KDM4C: variants seen among roughly 807,000 people sequenced by gnomAD.
KDM4C encodes the protein lysine demethylase 4C.
A neutral mutation model predicts 129.3 loss-of-function variants in KDM4C; 81 were observed. That is an observed-to-expected ratio of 0.63 (90% CI 0.52 to 0.75). The LOEUF is 0.75. Ranked by LOEUF, KDM4C falls within the 30% of genes least tolerant of loss-of-function variation. The pLI is 0.00. For synonymous variants in KDM4C, 573 were observed against 456.1 expected (o/e 1.26, Z -3.26); for missense variants, 1,457 against 1,304.0 (o/e 1.12, Z -1.81).
chr9:7,062,304 G>C (rs1405718210), intron 17 of KDM4C, among the ~76,000 whole-genome samples: 1 of 151,926 alleles, frequency 6.6e-6, no homozygotes, highest in East Asian at 1.9e-4. Context: ...TTAGGATGCA[G>C]CTTTCTCAGT....
chr9:6,789,468 C>T (rs1318220038), intron 1 of KDM4C, among the ~76,000 whole-genome samples: 1 of 152,128 alleles, frequency 6.6e-6, no homozygotes, highest in Non-Finnish European at 1.5e-5. Context: ...GATCCACCCA[C>T]CTCAGCCTCC....
At chr9:6,971,606 A>G (rs1477890513) in intron 8 of KDM4C, among the ~76,000 whole-genome samples, 1 of 152,198 alleles carries the variant, frequency 6.6e-6, no homozygotes, top group South Asian at 2.1e-4. Context: ...CAATTTCTTA[A>G]CAAGTGTATG....
intron 1 of KDM4C, among the ~76,000 whole-genome samples, chr9:6,785,008 C>A (rs771397929): frequency 6.6e-6 from 1 of 152,192 alleles, no homozygotes; most frequent in African/African-American, 2.4e-5. Context: ...GATTGGAGAA[C>A]GTGGTCCTCT....
At chr9:6,806,490 G>A (rs1202522349) in intron 3 of KDM4C, among the ~76,000 whole-genome samples, 5 of 145,498 alleles carry the variant, frequency 3.4e-5, no homozygotes, top group African/African-American at 7.7e-5. Context: ...GTGAAACTCC[G>A]TCTCGAAAAA....
intron 4 of KDM4C, among the ~76,000 whole-genome samples, chr9:6,820,097 C>T (rs1300544062): frequency 1.3e-5 from 2 of 152,168 alleles, no homozygotes; most frequent in African/African-American, 2.4e-5. Flanking sequence ...AAGATGGATA[C>T]GAATCCTGCT....
chr9:7,056,212 C>T (rs1459912013), intron 17 of KDM4C, among the ~76,000 whole-genome samples: 5 of 152,090 alleles, frequency 3.3e-5, no homozygotes, highest in African/African-American at 1.2e-4. Context: ...ACAGATGACA[C>T]GGTTGTGGTA....
At chr9:6,954,256 TC>T (rs1409707662) in intron 8 of KDM4C, among the ~76,000 whole-genome samples, 2 of 152,180 alleles carry the variant, frequency 1.3e-5, no homozygotes, top group African/African-American at 4.8e-5. Flanking sequence ...TCCTCTTTTC[TC>T]CTGAGACTCT....
chr9:6,927,128 T>TATC (rs1017918845), intron 8 of KDM4C, among the ~76,000 whole-genome samples: 1 of 151,504 alleles, frequency 6.6e-6, no homozygotes, highest in African/African-American at 2.4e-5. Context: ...TCTATCTATC[T>TATC]ATCTATCTAT....
chr9:7,159,552 GCTTGT>G (rs1187785265), intron 19 of KDM4C, among the ~76,000 whole-genome samples: 1 of 152,158 alleles, frequency 6.6e-6, no homozygotes, highest in African/African-American at 2.4e-5. Context: ...CTCAGCATTT[GCTTGT>G]CTGTAAAGGA....
intron 4 of KDM4C, among the ~76,000 whole-genome samples, chr9:6,832,525 A>C (rs1379212234): frequency 2.2e-5 from 3 of 138,676 alleles, no homozygotes; most frequent in Non-Finnish European, 4.6e-5. Flanking sequence ...TCCTGGGTTC[A>C]CGCCATTCTC....
intron 3 of KDM4C, 100 bp from the exon 4 acceptor site, chr9:6,814,531 G>T: frequency 1.6e-6 from 1 of 644,220 alleles, no homozygotes; most frequent in Non-Finnish European, 2.6e-6. Flanking sequence ...TTTTCGTTTT[G>T]GTAGGATTTT....
intron 8 of KDM4C, among the ~76,000 whole-genome samples, chr9:6,931,501 T>C (rs1377319640): frequency 7.5e-6 from 1 of 133,250 alleles, no homozygotes; most frequent in Non-Finnish European, 1.7e-5. Context: ...GTCATATATA[T>C]ATATATTTTT....
intron 19 of KDM4C, among the ~76,000 whole-genome samples, chr9:7,161,926 G>A (rs1040787659): frequency 6.6e-6 from 1 of 152,236 alleles, no homozygotes; most frequent in African/African-American, 2.4e-5. Flanking sequence ...AACAGCTGAT[G>A]AATTGACACT....
chr9:7,030,442 A>AC (rs1419021594), intron 15 of KDM4C, among the ~76,000 whole-genome samples: 5 of 152,204 alleles, frequency 3.3e-5, no homozygotes, highest in African/African-American at 1.2e-4. Flanking sequence ...CCAAGAGTGA[A>AC]TCCTAAACTA....
At chr9:6,753,813 A>G (rs1818151879), upstream of KDM4C, among the ~76,000 whole-genome samples, 1 of 151,834 alleles carries the variant, frequency 6.6e-6, no homozygotes, top group Non-Finnish European at 1.5e-5. Context: ...AGTAACATAC[A>G]TATTTGATAA....
chr9:6,857,619 T>G (rs1273704304), intron 5 of KDM4C, among the ~76,000 whole-genome samples: 3 of 152,206 alleles, frequency 2.0e-5, no homozygotes, highest in Non-Finnish European at 4.4e-5. Context: ...ATTTTACTAA[T>G]TAATTGATTG....
At position 6,746,982 on chromosome 9, in the gene KDM4C, C is replaced by T. The variant is rs146262673; in HGVS notation, c.49+25985C>T. On this transcript the variant is annotated intron_variant, in intron 1 of 17. Transcript: ENST00000536108. ...GATTGCCACTGAACTCCAGCCTGGG[C>T]CACAGAGCTAGACTCCGTCTCAAAA... 8.3e-3 allele frequency among the ~76,000 whole-genome samples: 1,070 copies of T among 128,352 alleles called. 7 individuals are homozygous for T. Among genetic ancestry groups the T allele is most frequent in the African/African-American group, 0.026 (875 of 33,222 alleles). The allele number at this position is 128,352 out of a possible 152,430, so 84.2% of individuals were successfully genotyped here.
intron 17 of KDM4C, among the ~76,000 whole-genome samples, chr9:7,087,734 T>A (rs963206327): frequency 3.9e-5 from 6 of 152,314 alleles, no homozygotes; most frequent in Admixed American, 2.0e-4. Context: ...GTTCTTTTAT[T>A]TGTTAAATGG....
intron 1 of KDM4C, among the ~76,000 whole-genome samples, chr9:6,736,540 G>A (rs1223954417): frequency 6.6e-6 from 1 of 152,120 alleles, no homozygotes; most frequent in Non-Finnish European, 1.5e-5. Flanking sequence ...CCTTCAGAGG[G>A]TGGAAGCTCT....
Sources: allele counts gnomAD v4.1 joint callset (sites outside exome capture counted in the v4.1 genomes callset), GRCh38; gene constraint gnomAD v4.1.1; transcripts MANE v1.5; gene names NCBI Gene and HGNC (gene_info 2026-07-23, HGNC 2026-07-21).